The following RGS7 variants were observed in gnomAD, a reference collection of about 807,000 sequenced individuals.
RGS7 encodes regulator of G-protein signaling 7.
Under a neutral mutation model 81.1 loss-of-function variants are expected in RGS7, and 27 were observed. That is an observed-to-expected ratio of 0.33 (90% CI 0.25 to 0.46). RGS7 has a LOEUF of 0.46. RGS7 is among the 20% of genes least tolerant of loss of function. The pLI is 1.00. For synonymous variants in RGS7, 208 were observed against 207.7 expected (o/e 1.00, Z -0.01); for missense variants, 396 against 607.4 (o/e 0.65, Z 3.66).
rs947986119 is a variant in RGS7, at chr1:241,117,349, AT to A, written c.79-18588del. On this transcript the variant is annotated intron_variant, in intron 2 of 18. Transcript: ENST00000440928. ...CTGGATGTACAGGATTTTTTAAACT[AT>A]GCAGAACCTACATCATTCATTCTAT... 7.0e-4 allele frequency among the ~76,000 whole-genome samples: 106 copies of A among 152,292 alleles called. 1 individual carries two copies. The highest frequency in any genetic ancestry group is 2.5e-3 in the African/African-American group (103 of 41,582).
chr1:240,934,715 C>T (rs1243476122), intron 5 of RGS7, among the ~76,000 whole-genome samples: 3 of 151,886 alleles, frequency 2.0e-5, no homozygotes, highest in South Asian at 2.1e-4. Context: ...TTTATATCTG[C>T]CTATCTATCT....
At position 240,779,099 on chromosome 1, in the gene RGS7, T is replaced by TTGTG. The variant is rs71172643; in HGVS notation, c.*7-2890_*7-2887dup. 6.5e-3 allele frequency among the ~76,000 whole-genome samples: 937 copies of TTGTG among 144,294 alleles called. 10 individuals carry two copies. Among genetic ancestry groups the TTGTG allele is most frequent in the African/African-American group, 0.016 (622 of 38,906 alleles). The allele number at this position is 144,294 out of a possible 152,430, so 94.7% of individuals were successfully genotyped here. ...CTCTCATTAATGGGATTAGTGTTCT[T>TTGTG]TGTGTGTGTGTGTGTGTGTGTGTGT... is the stretch of plus-strand genomic sequence containing the variant. On this transcript the variant is annotated intron_variant, in intron 18 of 18. Coordinates refer to ENST00000440928, the MANE Select transcript of RGS7 (RefSeq NM_001364886.1).
intron 2 of RGS7, among the ~76,000 whole-genome samples, chr1:241,276,499 C>G (rs1007349372): frequency 6.6e-6 from 1 of 152,166 alleles, no homozygotes; most frequent in Non-Finnish European, 1.5e-5. Context: ...TTCCAATTCT[C>G]AATTCCCTGT....
chr1:241,083,549 CAG>C (rs948684795), intron 3 of RGS7, among the ~76,000 whole-genome samples: 42 of 152,256 alleles, frequency 2.8e-4, no homozygotes, highest in African/African-American at 9.6e-4. Context: ...TCAGTTCTGT[CAG>C]AGAGGATGTG....
intron 6 of RGS7, among the ~76,000 whole-genome samples, chr1:240,881,722 T>C (rs1397732536): frequency 6.6e-6 from 1 of 152,110 alleles, no homozygotes; most frequent in Non-Finnish European, 1.5e-5. Flanking sequence ...AATTGAATCT[T>C]AATAAAAACA....
chr1:241,259,717 T>G (rs1358357968), intron 2 of RGS7, among the ~76,000 whole-genome samples: 2 of 135,224 alleles, frequency 1.5e-5, no homozygotes, highest in East Asian at 4.3e-4. Context: ...GCAACAACAA[T>G]ATGTTTTGAT....
At chr1:240,793,611 A>ATATATTTTTTTTTT in intron 18 of RGS7, among the ~76,000 whole-genome samples, 3 of 78,866 alleles carry the variant, frequency 3.8e-5, no homozygotes, top group African/African-American at 2.9e-4. Flanking sequence ...ATATATATAT[A>ATATATTTTTTTTTT]TTTTTTTTTT....
chr1:241,242,219 C>T (rs2076292964), intron 2 of RGS7, among the ~76,000 whole-genome samples: 1 of 152,018 alleles, frequency 6.6e-6, no homozygotes, highest in Non-Finnish European at 1.5e-5. Context: ...TTCCATCCCT[C>T]AGTTACTTTA....
chr1:240,947,948 C>T (rs1484617970), intron 4 of RGS7, among the ~76,000 whole-genome samples: 1 of 152,130 alleles, frequency 6.6e-6, no homozygotes, highest in Non-Finnish European at 1.5e-5. Context: ...ACCAAGCATG[C>T]GCAGGCCTTA....
intron 2 of RGS7, among the ~76,000 whole-genome samples, chr1:241,260,334 G>T (rs960662928): frequency 3.3e-5 from 5 of 152,190 alleles, no homozygotes; most frequent in African/African-American, 1.2e-4. Context: ...AGTCAAGGCA[G>T]CCCTAAATAC....
At chr1:240,985,441 C>CTT (rs11437342) in intron 3 of RGS7, among the ~76,000 whole-genome samples, 3 of 151,120 alleles carry the variant, frequency 2.0e-5, no homozygotes, top group African/African-American at 7.3e-5. Flanking sequence ...CTTTCCTTTT[C>CTT]TTTTTTTTTC....
intron 2 of RGS7, among the ~76,000 whole-genome samples, chr1:241,113,153 A>G (rs1026228204): frequency 2.6e-5 from 4 of 152,096 alleles, no homozygotes; most frequent in South Asian, 4.1e-4. Context: ...ATCCACCACA[A>G]TTTTGTTTTC....
At chr1:240,799,250 GGTTTGTGT>G (rs1277189356) in intron 18 of RGS7, among the ~76,000 whole-genome samples, 112 of 137,048 alleles carry the variant, frequency 8.2e-4, no homozygotes, top group South Asian at 2.6e-3. Context: ...TTATTATTAT[GGTTTGTGT>G]GTGTGTGTGT....
At chr1:240,895,215 C>T (rs191391089) in intron 6 of RGS7, among the ~76,000 whole-genome samples, 36 of 152,308 alleles carry the variant, frequency 2.4e-4, no homozygotes, top group African/African-American at 8.2e-4. Context: ...ACGATGCTTC[C>T]TGAACAGCCT....
chr1:241,205,244 ATTTT>A (rs113696057), intron 2 of RGS7, among the ~76,000 whole-genome samples: 1 of 136,534 alleles, frequency 7.3e-6, no homozygotes. Context: ...CGCCCAGCTA[ATTTT>A]TTTTTTTTTT....
intron 3 of RGS7, among the ~76,000 whole-genome samples, chr1:241,096,335 C>T (rs777253975): frequency 9.9e-5 from 15 of 152,006 alleles, no homozygotes; most frequent in Non-Finnish European, 1.6e-4. Context: ...AGACTGAAAA[C>T]TTCTAGTAAA....
At chr1:241,093,246 T>C (rs1232791393) in intron 3 of RGS7, among the ~76,000 whole-genome samples, 1 of 152,138 alleles carries the variant, frequency 6.6e-6, no homozygotes, top group Non-Finnish European at 1.5e-5. Context: ...TTTTTTGTAG[T>C]TAAGGACAGA....
intron 5 of RGS7, among the ~76,000 whole-genome samples, chr1:240,932,980 T>A (rs1320273391): frequency 4.2e-5 from 6 of 141,270 alleles, no homozygotes; most frequent in Non-Finnish European, 9.1e-5. Flanking sequence ...GCCTCCCGGG[T>A]TCACGCCATT....
At chr1:240,992,832 G>C (rs1010246551) in intron 3 of RGS7, among the ~76,000 whole-genome samples, 68 of 143,542 alleles carry the variant, frequency 4.7e-4, no homozygotes, top group African/African-American at 1.7e-3. Flanking sequence ...CTGAAACCTT[G>C]TCTCTACTAA....
Sources: allele counts gnomAD v4.1 joint callset (sites outside exome capture counted in the v4.1 genomes callset), GRCh38; gene constraint gnomAD v4.1.1; transcripts MANE v1.5; gene names NCBI Gene and HGNC (gene_info 2026-07-23, HGNC 2026-07-21).